RTTN: variants seen among roughly 807,000 people sequenced by gnomAD.
RTTN encodes the protein rotatin.
RTTN carries 182 observed loss-of-function variants against 269.2 expected under a neutral mutation model. The observed-to-expected ratio is 0.68, with a 90% CI of 0.60 to 0.76. The LOEUF (loss-of-function observed/expected upper bound fraction) is 0.76. Ranked by LOEUF, RTTN falls within the 30% of genes least tolerant of loss-of-function variation. The probability of loss-of-function intolerance (pLI) is 0.00; values close to 1 mark genes in which losing one functional copy is unlikely to be tolerated. For synonymous variants in RTTN, 1,006 were observed against 963.5 expected (o/e 1.04, Z -0.82); for missense variants, 2,545 against 2,608.6 (o/e 0.98, Z 0.53).
chr18:70,087,397 A>G lies in RTTN; in HGVS notation c.4302+592T>C, dbSNP rs560230870. On this transcript the variant is annotated intron_variant, in intron 31 of 48. Transcript: ENST00000640769. ...TAAACATCACTACTTAAAAACATGA[A>G]GGCAAACAGCAACAAAACTAGCCTT... 9.2e-5 allele frequency among the ~76,000 whole-genome samples: 14 copies of G among 152,324 alleles called. 1 individual carries two copies. The South Asian group carries it at 2.9e-3, about 32-fold the overall frequency.
At position 70,168,981 on chromosome 18, in the gene RTTN, A is replaced by G. The variant is rs200975487; in HGVS notation, c.1563T>C (p.Ile521=). 3,516 of 1,613,040 alleles carry G rather than the reference A, an allele frequency of 2.2e-3. 4 individuals are homozygous for G. The highest frequency in any genetic ancestry group is 2.8e-3 in the Non-Finnish European group (3,272 of 1,179,566). ...DMPISLEYPN[I]HEAVVAYLEQ... Reference sequence around the variant, plus strand: ...CCAAATAGGCCACAACAGCTTCATGAATATTTGGATATTCCAAAGAAATAG... The same window carrying G: ...CCAAATAGGCCACAACAGCTTCATGGATATTTGGATATTCCAAAGAAATAG... Residue 521 remains isoleucine, a synonymous_variant, in exon 12 of 49, where the codon ATT becomes ATC. Coordinates refer to ENST00000640769, the MANE Select transcript of RTTN (RefSeq NM_173630.4).
intron 4 of RTTN, among the ~76,000 whole-genome samples, chr18:70,201,272 G>T (rs1055733781): frequency 6.6e-6 from 1 of 152,196 alleles, no homozygotes; most frequent in Non-Finnish European, 1.5e-5. Flanking sequence ...GAGAACAAAT[G>T]AGATGACATG....
At chr18:70,008,572 G>A (rs1437399123) in intron 46 of RTTN, 1 of 151,902 alleles carries the variant, frequency 6.6e-6, no homozygotes, top group East Asian at 1.9e-4. Context: ...ATGACCTGAT[G>A]GGAGCTGAAA....
At chr18:70,006,277 T>G (rs1414762472) in intron 47 of RTTN, 104 bp downstream of exon 47, 1 of 740,000 alleles carries the variant, frequency 1.4e-6, no homozygotes, top group Non-Finnish European at 2.3e-6. Context: ...GTCTTTTTTC[T>G]TTTGCTGTAA....
At chr18:70,142,721 C>T (rs566896656) in intron 18 of RTTN, among the ~76,000 whole-genome samples, 10 of 152,272 alleles carry the variant, frequency 6.6e-5, no homozygotes, top group Admixed American at 1.3e-4. Context: ...CGATGGCTCA[C>T]GCCTATAATC....
chr18:70,189,733 A>T (rs923246977), intron 9 of RTTN, among the ~76,000 whole-genome samples: 1 of 152,210 alleles, frequency 6.6e-6, no homozygotes, highest in Non-Finnish European at 1.5e-5. Flanking sequence ...AAAAAACAAA[A>T]TGGGTTGATA....
intron 35 of RTTN, among the ~76,000 whole-genome samples, chr18:70,060,273 G>A (rs552520752): frequency 5.3e-5 from 8 of 151,964 alleles, no homozygotes; most frequent in Admixed American, 5.2e-4. Context: ...TGTACACACG[G>A]ACATTGTCGT....
Position 70,114,447 on chromosome 18 carries a change from G to C in RTTN, c.3681C>G (p.Asp1227Glu), listed in dbSNP as rs1205474984. ...TLLLNFMEVT[D>E]RKCSELLYVF... ...ACCTGCAATATTACAAATGGTACCT[G>C]TCAGTAACTTCCATGAAATTGAGCA... Residue 1227 changes from aspartate to glutamate, a missense_variant and splice_region_variant, in exon 27 of 49, where the codon GAC becomes GAG. By Grantham distance (45) the Asp-to-Glu change is conservative (BLOSUM62 2). Transcript: ENST00000640769. 6.2e-7 allele frequency: 1 copy of C among 1,612,636 alleles called. No individual in the cohort carries two copies. Among genetic ancestry groups the C allele is most frequent in the East Asian group, 2.2e-5 (1 of 44,846 alleles).
chr18:70,088,223 A>G, intron 30 of RTTN, 76 bp from the exon 31 acceptor site: 4 of 1,341,788 alleles, frequency 3.0e-6, no homozygotes, highest in Non-Finnish European at 4.0e-6. Context: ...TTTCTGGTAC[A>G]TAAATATCAC....
chr18:70,023,549 A>C (rs1017163354), intron 44 of RTTN, among the ~76,000 whole-genome samples: 5 of 152,154 alleles, frequency 3.3e-5, no homozygotes, highest in African/African-American at 9.7e-5. Context: ...ACTACTGTGC[A>C]CTCAGGCTCA....
intron 14 of RTTN, among the ~76,000 whole-genome samples, chr18:70,152,798 G>A (rs748224425): frequency 1.4e-4 from 22 of 152,232 alleles, no homozygotes; most frequent in Non-Finnish European, 2.5e-4. Flanking sequence ...CTACTACAAT[G>A]AAACTGGTCT....
Position 70,142,231 on chromosome 18 carries a change from G to A in RTTN, c.2581+57C>T, listed in dbSNP as rs562469725. On this transcript the variant is annotated intron_variant, in intron 19 of 48. Coordinates refer to ENST00000640769, the MANE Select transcript of RTTN (RefSeq NM_173630.4). ...TGCCAACTCCTGCCAGTACCATATG[G>A]CAATCTAAAATTCTATTATCAGCAG... The A allele has an allele frequency of 4.4e-6, 5 of 1,133,492 alleles. No homozygotes were observed. In the African/African-American group the frequency reaches 6.1e-5, roughly 14 times the overall value. The allele number at this position is 1,133,492 out of a possible 1,614,324, so 70.2% of individuals were successfully genotyped here.
intron 28 of RTTN, among the ~76,000 whole-genome samples, chr18:70,098,059 C>T (rs1275176207): frequency 1.0e-4 from 6 of 58,044 alleles, no homozygotes; most frequent in Admixed American, 7.2e-4. Flanking sequence ...ACAAAAAATG[C>T]TATAAACTAG....
chr18:70,117,483 A>G (rs2059629831), intron 26 of RTTN, among the ~76,000 whole-genome samples: 1 of 152,084 alleles, frequency 6.6e-6, no homozygotes, highest in Non-Finnish European at 1.5e-5. Flanking sequence ...TCTTAAAAGT[A>G]GTATTATTTA....
intron 14 of RTTN, among the ~76,000 whole-genome samples, chr18:70,162,387 C>G (rs1292004735): frequency 2.0e-5 from 3 of 152,040 alleles, no homozygotes; most frequent in African/African-American, 7.2e-5. Flanking sequence ...AACGTATTAG[C>G]CTATTCTCAC....
chr18:70,004,451 A>G (rs2056118754), intron 48 of RTTN, among the ~76,000 whole-genome samples: 1 of 152,236 alleles, frequency 6.6e-6, no homozygotes. Flanking sequence ...GCTTACCCAG[A>G]GTATTTTTTA....
At chr18:70,047,848 G>A in intron 40 of RTTN, 123 bp downstream of exon 40, 4 of 754,834 alleles carry the variant, frequency 5.3e-6, no homozygotes, top group Non-Finnish European at 4.3e-6. Flanking sequence ...CATTTAAACA[G>A]TCATAATAAG....
chr18:70,199,282 ATC>A, intron 5 of RTTN, 130 bp downstream of exon 5: 1 of 463,960 alleles, frequency 2.2e-6, no homozygotes, highest in East Asian at 3.8e-5. Context: ...AAAAATAAAA[ATC>A]ATTTAAATAT....
chr18:70,131,188 T>C (rs2059989754), intron 23 of RTTN: 1 of 146,046 alleles, frequency 6.8e-6, no homozygotes, highest in African/African-American at 2.5e-5. Context: ...CTAATATAAG[T>C]GCACTACATT....
Sources: allele counts gnomAD v4.1 joint callset (sites outside exome capture counted in the v4.1 genomes callset), GRCh38; gene constraint gnomAD v4.1.1; transcripts MANE v1.5; gene names NCBI Gene and HGNC (gene_info 2026-07-23, HGNC 2026-07-21).